The following IL1RL1 variants were observed in gnomAD, a reference collection of about 807,000 sequenced individuals.
IL1RL1 encodes interleukin 1 receptor like 1.
IL1RL1 carries 32 observed loss-of-function variants against 50.9 expected under a neutral mutation model. That is an observed-to-expected ratio of 0.63 (90% CI 0.47 to 0.84). The LOEUF is 0.84. IL1RL1 is among the 40% of genes least tolerant of loss of function. The probability of loss-of-function intolerance (pLI) is 0.00; values close to 1 mark genes in which losing one functional copy is unlikely to be tolerated. For missense variants in IL1RL1, 773 were observed against 662.9 expected (o/e 1.17, Z -1.82); for synonymous variants, 275 against 236.0 (o/e 1.17, Z -1.51).
intron 1 of IL1RL1, among the ~76,000 whole-genome samples, chr2:102,329,260 G>T (rs62151722): frequency 2.1e-3 from 323 of 152,208 alleles, no homozygotes; most frequent in South Asian, 4.4e-3. Flanking sequence ...ATTTAACAAA[G>T]GGTGCTGGGA....
At chr2:102,323,316 A>G (rs1405659700) in intron 1 of IL1RL1, among the ~76,000 whole-genome samples, 1 of 146,456 alleles carries the variant, frequency 6.8e-6, no homozygotes, top group East Asian at 2.0e-4. Flanking sequence ...GGTGTATATA[A>G]TTTATATACA....
intron 1 of IL1RL1, among the ~76,000 whole-genome samples, chr2:102,324,103 A>G (rs564584465): frequency 5.3e-4 from 78 of 148,536 alleles, no homozygotes; most frequent in Non-Finnish European, 1.0e-3. Context: ...TCTTGTTTCC[A>G]GTATTTGGCT....
chr2:102,321,071 C>G (rs942797154), intron 1 of IL1RL1, among the ~76,000 whole-genome samples: 2 of 152,246 alleles, frequency 1.3e-5, no homozygotes, highest in African/African-American at 2.4e-5. Flanking sequence ...GGCCCTCGGA[C>G]ACACCAGGCT....
chr2:102,343,116 G>C lies in IL1RL1; in HGVS notation c.763G>C (p.Gly255Arg). The change falls in exon 7 of 11, where the codon GGA (glycine) becomes CGA (arginine). Residue 255 changes from glycine (G) to arginine (R), a missense_variant. Transcript: ENST00000233954. ...GGCTGCCGTCCTGTGGCAGCTTAAT[G>C]GAACAAAAATTACAGACTTTGGTGA... ...FLAAVLWQLN[G>R]TKITDFGEPR... 1 of 1,614,064 alleles carries C rather than the reference G, an allele frequency of 6.2e-7. No homozygotes were observed. The highest frequency in any genetic ancestry group is 8.5e-7 in the Non-Finnish European group (1 of 1,179,972).
chr2:102,341,940 G>A (rs1677581359), intron 5 of IL1RL1, among the ~76,000 whole-genome samples: 1 of 152,000 alleles, frequency 6.6e-6, no homozygotes, highest in Non-Finnish European at 1.5e-5. Context: ...CATGTAATTA[G>A]TTTTATGGGT....
intron 5 of IL1RL1, among the ~76,000 whole-genome samples, 162 bp downstream of exon 5, chr2:102,340,990 T>A (rs1330456115): frequency 6.6e-6 from 1 of 152,206 alleles, no homozygotes; most frequent in African/African-American, 2.4e-5. Context: ...AAAGAGGTTT[T>A]CTGAACACAC....
intron 1 of IL1RL1, among the ~76,000 whole-genome samples, chr2:102,326,056 T>A (rs1187869817): frequency 6.6e-6 from 1 of 152,050 alleles, no homozygotes; most frequent in African/African-American, 2.4e-5. Context: ...ATTGTCAGAT[T>A]CACCAAAGTT....
At chr2:102,338,451 C>T (rs905290062) in intron 2 of IL1RL1, 126 bp downstream of exon 2, 10 of 545,600 alleles carry the variant, frequency 1.8e-5, no homozygotes, top group East Asian at 1.5e-4. Context: ...AAATATATTG[C>T]TTTTGTACAA....
Position 102,338,968 on chromosome 2 carries a change from G to C in IL1RL1, c.193G>C (p.Val65Leu). ...TATTCCCACTCAGGAAAGAAATCGTGTGTTTGCCTCAGGCCAACTTCTGAA... is the reference window on the plus strand; with the variant it reads ...TATTCCCACTCAGGAAAGAAATCGTCTGTTTGCCTCAGGCCAACTTCTGAA... ...KSIPTQERNRVFASGQLLKFL... is the reference protein window; with the variant it reads ...KSIPTQERNRLFASGQLLKFL... Residue 65 changes from valine to leucine, a missense_variant, in exon 3 of 11, where the codon GTG (valine) becomes CTG (leucine). By Grantham distance (32) the Val-to-Leu change is conservative (BLOSUM62 1). Coordinates refer to ENST00000233954, the MANE Select transcript of IL1RL1 (RefSeq NM_016232.5). 1 of 1,613,994 alleles carries C rather than the reference G, an allele frequency of 6.2e-7. No individual in the cohort carries two copies. The highest frequency in any genetic ancestry group is 8.5e-7 in the Non-Finnish European group (1 of 1,179,912).
intron 10 of IL1RL1, 63 bp downstream of exon 10, chr2:102,349,309 G>T: frequency 7.1e-7 from 1 of 1,398,614 alleles, no homozygotes; most frequent in Middle Eastern, 1.8e-4. Context: ...TGAACTAGGT[G>T]GCCTTATCCC....
Position 102,340,792 on chromosome 2 carries a change from T to A in IL1RL1, c.574T>A (p.Tyr192Asn). ...KFIHNENGAN[Y>N]SVTATRSFTV... ...TATACACAATGAAAATGGAGCCAAT[T>A]ATAGTGTGACGGCGACCAGGTCCTT... Residue 192 changes from tyrosine (Y) to asparagine (N), a missense_variant, in exon 5 of 11, where the codon TAT (tyrosine) becomes AAT (asparagine). Physicochemically the swap from Tyr to Asn is moderately radical, Grantham distance 143 (BLOSUM62 -2). Coordinates refer to ENST00000233954, the MANE Select transcript of IL1RL1 (RefSeq NM_016232.5). The A allele has an allele frequency of 6.3e-7, 1 of 1,584,160 alleles. No individual in the cohort carries two copies. Among genetic ancestry groups the A allele is most frequent in the South Asian group, 1.2e-5 (1 of 86,328 alleles).
intron 10 of IL1RL1, among the ~76,000 whole-genome samples, chr2:102,350,499 A>G (rs1043909864): frequency 5.3e-5 from 8 of 152,256 alleles, no homozygotes; most frequent in Non-Finnish European, 1.0e-4. Flanking sequence ...ATGAAACCCA[A>G]CAACACCAAA....
chr2:102,340,701 G>T lies in IL1RL1; in HGVS notation c.483G>T (p.Ala161=). The change falls in exon 5 of 11, where the codon GCG becomes GCT. Residue 161 remains alanine, a synonymous_variant. Transcript: ENST00000233954. ...CQALQGSRYR[A]HKSFLVIDNV... is the part of the protein sequence containing the mutation. ...CTCTTCAAGGATCAAGGTACAGGGC[G>T]CACAAGTCATTTTTGGTCATTGATA... is the stretch of plus-strand genomic sequence containing the variant. 2 of 1,598,760 alleles carry T rather than the reference G, an allele frequency of 1.3e-6. No homozygotes were observed. Among genetic ancestry groups the T allele is most frequent in the South Asian group, 2.3e-5 (2 of 88,310 alleles).
intron 1 of IL1RL1, among the ~76,000 whole-genome samples, chr2:102,329,932 G>A (rs1378076309): frequency 2.0e-5 from 3 of 152,182 alleles, no homozygotes; most frequent in Non-Finnish European, 2.9e-5. Flanking sequence ...TCAGTGTGGC[G>A]ATTCCTCAGG....
At chr2:102,349,043 C>T in intron 9 of IL1RL1, 36 bp from the exon 10 acceptor site, 8 of 1,542,990 alleles carry the variant, frequency 5.2e-6, no homozygotes, top group Non-Finnish European at 7.2e-6. Context: ...TTTTTAGAAT[C>T]AAGTAAGAAG....
chr2:102,340,818 C>G lies in IL1RL1; in HGVS notation c.600C>G (p.Phe200Leu). ...ANYSVTATRS[F>L]TVKDEQGFSL... Reference sequence around the variant, plus strand: ...ATAGTGTGACGGCGACCAGGTCCTTCACGGTCAAGGGTAAGCTACTGACAT... The same window carrying G: ...ATAGTGTGACGGCGACCAGGTCCTTGACGGTCAAGGGTAAGCTACTGACAT... Residue 200 changes from phenylalanine (F) to leucine (L), a missense_variant, in exon 5 of 11, where the codon TTC becomes TTG. Coordinates refer to ENST00000233954, the MANE Select transcript of IL1RL1 (RefSeq NM_016232.5). 1.3e-6 allele frequency: 2 copies of G among 1,574,880 alleles called. No homozygotes were observed. The highest frequency in any genetic ancestry group is 1.7e-6 in the Non-Finnish European group (2 of 1,168,326).
At chr2:102,317,421 T>G in intron 1 of IL1RL1, among the ~76,000 whole-genome samples, 1 of 152,192 alleles carries the variant, frequency 6.6e-6, no homozygotes, top group East Asian at 1.9e-4. Context: ...ATTACACTGT[T>G]ACAGATAGTT....
At chr2:102,348,849 T>G (rs972627853) in intron 9 of IL1RL1, among the ~76,000 whole-genome samples, 2 of 152,322 alleles carry the variant, frequency 1.3e-5, no homozygotes, top group Admixed American at 6.5e-5. Flanking sequence ...ACTTTTTTGT[T>G]ATTTAGTCTG....
chr2:102,338,913 G>A lies in IL1RL1; in HGVS notation c.138G>A (p.Val46=). Reference sequence around the variant, plus strand: ...GACAAGGAAAACCTAGTTACACCGTGGATTGGTATTACTCACAAACAAACA... The same window carrying A: ...GACAAGGAAAACCTAGTTACACCGTAGATTGGTATTACTCACAAACAAACA... ...CPRQGKPSYT[V]DWYYSQTNKS... Residue 46 remains valine, a synonymous_variant, in exon 3 of 11, where the codon GTG becomes GTA. Transcript: ENST00000233954. 6.2e-7 allele frequency: 1 copy of A among 1,613,572 alleles called. No individual in the cohort carries two copies. The highest frequency in any genetic ancestry group is 1.3e-5 in the African/African-American group (1 of 75,006).
Sources: gnomAD v4.1 joint callset for allele counts (sites outside exome capture counted in the v4.1 genomes callset) on GRCh38, gnomAD v4.1.1 for gene constraint, MANE v1.5 for transcripts, NCBI Gene and HGNC (gene_info 2026-07-23, HGNC 2026-07-21) for gene names.